XRCC4: variants seen among roughly 807,000 people sequenced by gnomAD.
XRCC4 encodes X-ray repair cross complementing 4, also known as DNA repair protein XRCC4.
Under a neutral mutation model 39.1 loss-of-function variants are expected in XRCC4, and 28 were observed. That is an observed-to-expected ratio of 0.72 (90% CI 0.53 to 0.98). The LOEUF (loss-of-function observed/expected upper bound fraction) is 0.98, where lower values mean the gene tolerates loss of function less well. Among genes scored for constraint, XRCC4 ranks in the 50% least tolerant of loss-of-function variants. The pLI is 0.00. For synonymous variants in XRCC4, 123 were observed against 126.4 expected (o/e 0.97, Z 0.18); for missense variants, 350 against 376.4 (o/e 0.93, Z 0.58).
At chr5:83,333,167 A>G (rs1414772730) in intron 7 of XRCC4, among the ~76,000 whole-genome samples, 2 of 152,066 alleles carry the variant, frequency 1.3e-5, no homozygotes, top group Non-Finnish European at 2.9e-5. Context: ...AAGATCTAAA[A>G]CTTCTAATGG....
intron 6 of XRCC4, among the ~76,000 whole-genome samples, chr5:83,211,242 A>G (rs1274194784): frequency 6.6e-6 from 1 of 152,186 alleles, no homozygotes; most frequent in Admixed American, 6.5e-5. Context: ...GCCCACATTC[A>G]TGAGTTTGGT....
At chr5:83,147,041 G>A (rs968302310) in intron 3 of XRCC4, among the ~76,000 whole-genome samples, 5 of 152,186 alleles carry the variant, frequency 3.3e-5, no homozygotes, top group South Asian at 4.1e-4. Context: ...AATTACACTC[G>A]TTCTGTGGCC....
intron 7 of XRCC4, among the ~76,000 whole-genome samples, chr5:83,344,162 T>G (rs886886972): frequency 1.6e-5 from 2 of 124,574 alleles, no homozygotes; most frequent in Non-Finnish European, 1.7e-5. Context: ...ACACACACAC[T>G]TCGTTGTTCA....
intron 7 of XRCC4, among the ~76,000 whole-genome samples, chr5:83,272,592 C>T (rs1423243717): frequency 1.3e-5 from 2 of 152,004 alleles, no homozygotes; most frequent in Non-Finnish European, 2.9e-5. Context: ...CCCCACCCCA[C>T]GACAGGCCAC....
intron 6 of XRCC4, among the ~76,000 whole-genome samples, chr5:83,226,837 T>G (rs1752309446): frequency 6.6e-6 from 1 of 152,134 alleles, no homozygotes; most frequent in Non-Finnish European, 1.5e-5. Flanking sequence ...AATCAGGAGT[T>G]TCCTATTCCA....
At chr5:83,333,131 TGGAG>T (rs1756489816) in intron 7 of XRCC4, among the ~76,000 whole-genome samples, 1 of 152,064 alleles carries the variant, frequency 6.6e-6, no homozygotes, top group Admixed American at 6.6e-5. Context: ...AAAAAATACT[TGGAG>T]GGAAACTCTG....
intron 4 of XRCC4, among the ~76,000 whole-genome samples, chr5:83,200,081 A>G (rs1580361187): frequency 6.6e-6 from 1 of 152,166 alleles, no homozygotes; most frequent in Non-Finnish European, 1.5e-5. Flanking sequence ...CTTGAGGCAT[A>G]AGCTTGACAG....
the XRCC4 span, among the ~76,000 whole-genome samples, chr5:83,366,218 G>A: frequency 6.6e-6 from 1 of 151,982 alleles, no homozygotes. Flanking sequence ...TGTGCTATAG[G>A]CACATTTCCT....
At chr5:83,210,225 A>G (rs1370518659) in intron 6 of XRCC4, among the ~76,000 whole-genome samples, 1 of 152,182 alleles carries the variant, frequency 6.6e-6, no homozygotes, top group Non-Finnish European at 1.5e-5. Context: ...ACTCAGCTTT[A>G]GAATAACAGA....
intron 6 of XRCC4, among the ~76,000 whole-genome samples, chr5:83,239,955 C>G (rs1473512301): frequency 6.6e-6 from 1 of 151,730 alleles, no homozygotes; most frequent in Non-Finnish European, 1.5e-5. Flanking sequence ...GCCAGGAGTT[C>G]AAGACCAGCC....
intron 1 of XRCC4, among the ~76,000 whole-genome samples, chr5:83,088,458 C>T (rs936604680): frequency 5.3e-5 from 8 of 152,150 alleles, no homozygotes; most frequent in Admixed American, 3.3e-4. Context: ...TTACAACTGA[C>T]GTTCTGCAGG....
chr5:83,146,671 G>A lies in XRCC4; in HGVS notation c.315+35468G>A, dbSNP rs10077585. Among the ~76,000 whole-genome samples, 494 of 152,260 alleles carry A rather than the reference G, an allele frequency of 3.2e-3. 2 individuals carry two copies. The highest frequency in any genetic ancestry group is 0.011 in the African/African-American group (470 of 41,554). ...GCATAGTGCCTGGCAAATAGAAGAC[G>A]TTCAGCAAATATTAGCATTACTTCT... On this transcript the variant is annotated intron_variant, in intron 3 of 7. Transcript: ENST00000396027.
intron 1 of XRCC4, among the ~76,000 whole-genome samples, chr5:83,102,541 A>T (rs952942273): frequency 1.3e-5 from 2 of 152,158 alleles, no homozygotes; most frequent in African/African-American, 4.8e-5. Context: ...AGGAGATCAG[A>T]GTTGGAAACT....
chr5:83,365,755 G>A, the XRCC4 span, among the ~76,000 whole-genome samples: 298 of 152,280 alleles, frequency 2.0e-3, no homozygotes, highest in African/African-American at 6.8e-3. Context: ...ACAAAAATAT[G>A]AGCAGAGTAA....
intron 7 of XRCC4, among the ~76,000 whole-genome samples, chr5:83,272,497 G>A (rs779116107): frequency 1.1e-4 from 16 of 152,048 alleles, no homozygotes; most frequent in Non-Finnish European, 1.9e-4. Flanking sequence ...TGCCATGGTG[G>A]TTTGTCACAC....
At chr5:83,176,701 C>T (rs1327979738) in intron 3 of XRCC4, among the ~76,000 whole-genome samples, 2 of 151,070 alleles carry the variant, frequency 1.3e-5, no homozygotes, top group African/African-American at 4.9e-5. Flanking sequence ...TGGCTCACTG[C>T]AGCCTCCACT....
intron 3 of XRCC4, among the ~76,000 whole-genome samples, chr5:83,148,716 T>C (rs1182632133): frequency 3.3e-5 from 5 of 152,162 alleles, no homozygotes; most frequent in Non-Finnish European, 5.9e-5. Flanking sequence ...TGTTATGCAT[T>C]GTATTAGGTG....
intron 3 of XRCC4, among the ~76,000 whole-genome samples, chr5:83,186,437 T>C (rs1202032739): frequency 2.6e-5 from 4 of 152,172 alleles, no homozygotes; most frequent in Non-Finnish European, 4.4e-5. Context: ...ACTACATCAC[T>C]CCCAATTTCT....
chr5:83,132,064 A>G (rs1580266367), intron 3 of XRCC4, among the ~76,000 whole-genome samples: 4 of 152,230 alleles, frequency 2.6e-5, no homozygotes, highest in African/African-American at 7.2e-5. Flanking sequence ...GAGCTCTTAT[A>G]AGGCATGTCT....
Sources: allele counts gnomAD v4.1 joint callset (sites outside exome capture counted in the v4.1 genomes callset), GRCh38; gene constraint gnomAD v4.1.1; transcripts MANE v1.5; gene names NCBI Gene and HGNC (gene_info 2026-07-23, HGNC 2026-07-21).